The following IQCH variants were observed in gnomAD, a reference collection of about 807,000 sequenced individuals.
IQCH encodes the protein IQ motif containing H.
IQCH carries 98 observed loss-of-function variants against 117.0 expected under a neutral mutation model. The observed-to-expected ratio is 0.84, with a 90% CI of 0.71 to 0.99. The LOEUF (loss-of-function observed/expected upper bound fraction) is 0.99. IQCH is among the 50% of genes least tolerant of loss of function. The pLI, the probability that IQCH is intolerant of heterozygous loss-of-function variation, is 0.00. For missense variants in IQCH, 1,102 were observed against 1,243.8 expected (o/e 0.89, Z 1.72); for synonymous variants, 412 against 448.2 (o/e 0.92, Z 1.02).
At position 67,500,906 on chromosome 15, in the gene IQCH, T is replaced by G. The variant is rs2083963813; in HGVS notation, c.*160T>G. 1 of 418,306 alleles carries G rather than the reference T, an allele frequency of 2.4e-6. No homozygotes were observed. The highest frequency in any genetic ancestry group is 2.1e-5 in the African/African-American group (1 of 48,664). The allele number at this position is 418,306 out of a possible 1,614,324, so 25.9% of individuals were successfully genotyped here. A position where few individuals can be genotyped will look rare whatever the true frequency, so the allele number is the denominator to read the frequency against. ...TGAAATGCTCTTTTTAAAACATTGT[T>G]TATTAAGTGATCTTATTTTATTTAT... On this transcript the variant is annotated 3_prime_UTR_variant, in exon 21 of 21. Transcript: ENST00000335894. The surrounding 1 kb of genome is among the most constrained non-coding windows in gnomAD (Gnocchi z 4.4).
chr15:67,263,034 A>T, intron 2 of IQCH, 88 bp from the exon 3 acceptor site: 1 of 751,692 alleles, frequency 1.3e-6, no homozygotes, highest in Non-Finnish European at 2.4e-6. Context: ...GCTTAATTAC[A>T]GGATTCAGAG....
chr15:67,403,218 C>A lies in IQCH; in HGVS notation c.2097+2913C>A, dbSNP rs1264675945. Reference sequence around the variant, plus strand: ...TGAGCCGAGATCACACCACTGCACTCCAGCCTGGGCGACAGAGTGAGACAC... The same window carrying A: ...TGAGCCGAGATCACACCACTGCACTACAGCCTGGGCGACAGAGTGAGACAC... On this transcript the variant is annotated intron_variant, in intron 14 of 20. Coordinates refer to ENST00000335894, the MANE Select transcript of IQCH (RefSeq NM_001031715.3). This position sits in a 1 kb window ranked among gnomAD's most constrained non-coding sequence, Gnocchi z 4.8. Among the ~76,000 whole-genome samples, 2 of 151,786 alleles carry A rather than the reference C, an allele frequency of 1.3e-5. No individual in the cohort carries two copies. Among genetic ancestry groups the A allele is most frequent in the Non-Finnish European group, 2.9e-5 (2 of 67,956 alleles).
intron 20 of IQCH, among the ~76,000 whole-genome samples, chr15:67,498,336 C>A (rs1448342115): frequency 6.6e-6 from 1 of 152,182 alleles, no homozygotes; most frequent in Middle Eastern, 3.4e-3. Flanking sequence ...TTAAAATGGG[C>A]CGGGCGCGGT....
chr15:67,358,368 G>A (rs1304044839), intron 7 of IQCH, among the ~76,000 whole-genome samples: 1 of 149,056 alleles, frequency 6.7e-6, no homozygotes, highest in African/African-American at 2.5e-5. Flanking sequence ...CTAATTTTTT[G>A]TATTTTTAGT....
intron 14 of IQCH, among the ~76,000 whole-genome samples, chr15:67,412,488 T>C (rs2081475367): frequency 6.6e-6 from 1 of 152,112 alleles, no homozygotes; most frequent in African/African-American, 2.4e-5. Context: ...CAATTTACTC[T>C]AACCCCTGCC....
At chr15:67,347,848 TA>T (rs1206238628) in intron 6 of IQCH, among the ~76,000 whole-genome samples, 1 of 146,860 alleles carries the variant, frequency 6.8e-6, no homozygotes, top group Non-Finnish European at 1.5e-5. Flanking sequence ...TAGATATTTT[TA>T]TATATTTATA....
rs1363108461 is a variant in IQCH at position 67,411,278 on chromosome 15, AC to A, written c.2098-5650del. ...GCAGCAGGGCCGGTGGGGAGCACTT[AC>A]CCAGGAGTCAGAGGCAGCCAGAGAG... On this transcript the variant is annotated intron_variant, in intron 14 of 20. Transcript: ENST00000335894. This position sits in a 1 kb window ranked among gnomAD's most constrained non-coding sequence, Gnocchi z 4.4. Among the ~76,000 whole-genome samples, 5 of 151,906 alleles carry A rather than the reference AC, an allele frequency of 3.3e-5. No individual in the cohort carries two copies. The highest frequency in any genetic ancestry group is 7.4e-5 in the Non-Finnish European group (5 of 67,954).
At chr15:67,353,787 A>G (rs1409460720) in intron 6 of IQCH, among the ~76,000 whole-genome samples, 1 of 152,228 alleles carries the variant, frequency 6.6e-6, no homozygotes, top group African/African-American at 2.4e-5. Context: ...ATACAGTAGA[A>G]TTTTTAAAAA....
intron 4 of IQCH, among the ~76,000 whole-genome samples, chr15:67,311,316 C>A (rs1967583805): frequency 6.6e-6 from 1 of 151,930 alleles, no homozygotes; most frequent in African/African-American, 2.4e-5. Context: ...GAACTAAATT[C>A]TGAGATTATA....
At chr15:67,468,470 C>T (rs2899724) in intron 17 of IQCH, among the ~76,000 whole-genome samples, 63,896 of 152,076 alleles carry the variant, frequency 0.42, 14,478 homozygotes, top group Non-Finnish European at 0.52. Context: ...TGAAGGCACA[C>T]ATTTCCCTGC....
Position 67,490,210 on chromosome 15 carries a change from T to C in IQCH, c.2861+146T>C. On this transcript the variant is annotated intron_variant, in intron 19 of 20. Transcript: ENST00000335894. The surrounding 1 kb of genome is among the most constrained non-coding windows in gnomAD (Gnocchi z 4.9). ...ATTTAGATCTTCAGGTATTTTATTT[T>C]ATTCTATTTTTTTGAGACGGAGCCT... 4 of 686,672 alleles carry C rather than the reference T, an allele frequency of 5.8e-6. No individual in the cohort carries two copies. The South Asian group carries it at 7.7e-5, about 13-fold the overall frequency. The allele number at this position is 686,672 out of a possible 1,614,324, so 42.5% of individuals were successfully genotyped here.
intron 10 of IQCH, among the ~76,000 whole-genome samples, chr15:67,379,086 A>T (rs1041975753): frequency 6.6e-6 from 1 of 152,224 alleles, no homozygotes; most frequent in Non-Finnish European, 1.5e-5. Context: ...ACAAAAAAAA[A>T]TTTAGTGAGA....
chr15:67,259,415 A>C (rs1300506331), intron 1 of IQCH, among the ~76,000 whole-genome samples: 2 of 152,232 alleles, frequency 1.3e-5, no homozygotes, highest in Non-Finnish European at 2.9e-5. Context: ...GGACAAAGAA[A>C]TTAGAAATTC....
In IQCH at chr15:67,356,083, G is replaced by A. The variant is rs1969879762; in HGVS notation, c.638-1262G>A. ...AATTGTACTGAGTCTGCAGACAATA[G>A]GAATAACAAATTTTACTGGTGAATC... On this transcript the variant is annotated intron_variant, in intron 6 of 20. Transcript: ENST00000335894. This position sits in a 1 kb window ranked among gnomAD's most constrained non-coding sequence, Gnocchi z 5.3. 1.3e-5 allele frequency among the ~76,000 whole-genome samples: 2 copies of A among 152,132 alleles called. No individual in the cohort carries two copies. The highest frequency in any genetic ancestry group is 4.8e-5 in the African/African-American group (2 of 41,418).
Position 67,393,136 on chromosome 15 carries a change from A to G in IQCH, c.1633-2155A>G, listed in dbSNP as rs1971342068. Among the ~76,000 whole-genome samples, 1 of 152,172 alleles carries G rather than the reference A, an allele frequency of 6.6e-6. No homozygotes were observed. Among genetic ancestry groups the G allele is most frequent in the Non-Finnish European group, 1.5e-5 (1 of 68,026 alleles). On this transcript the variant is annotated intron_variant, in intron 12 of 20. Coordinates refer to ENST00000335894, the MANE Select transcript of IQCH (RefSeq NM_001031715.3). This position sits in a 1 kb window ranked among gnomAD's most constrained non-coding sequence, Gnocchi z 5.5. Reference sequence around the variant, plus strand: ...CAAAAGAGCTCTTGTTTTAAAGGGAAAGTTATTTCAGAGCTGAAAGGACCC... The same window carrying G: ...CAAAAGAGCTCTTGTTTTAAAGGGAGAGTTATTTCAGAGCTGAAAGGACCC...
In IQCH at chr15:67,408,637, T is replaced by G. The variant is rs2081366104; in HGVS notation, c.2098-8294T>G. Among the ~76,000 whole-genome samples, 1 of 152,228 alleles carries G rather than the reference T, an allele frequency of 6.6e-6. No individual in the cohort carries two copies. The highest frequency in any genetic ancestry group is 1.5e-5 in the Non-Finnish European group (1 of 68,040). On this transcript the variant is annotated intron_variant, in intron 14 of 20. Transcript: ENST00000335894. The surrounding 1 kb of genome is among the most constrained non-coding windows in gnomAD (Gnocchi z 4.2). ...CATAAAATTAAAATATAAATTCTCC[T>G]GATAGTCTCTCATTTCATTCCACAA...
intron 3 of IQCH, among the ~76,000 whole-genome samples, chr15:67,266,773 A>AT (rs1046356886): frequency 1.3e-5 from 2 of 152,036 alleles, no homozygotes; most frequent in Non-Finnish European, 2.9e-5. Context: ...AAGTTTTGGG[A>AT]TTTTTTTGGC....
At chr15:67,358,066 C>T (rs2140738992) in intron 7 of IQCH, among the ~76,000 whole-genome samples, 1 of 150,878 alleles carries the variant, frequency 6.6e-6, no homozygotes, top group South Asian at 2.1e-4. Flanking sequence ...ACCATTTTGG[C>T]CAGGCTGGTC....
intron 18 of IQCH, among the ~76,000 whole-genome samples, chr15:67,483,711 G>C: frequency 6.6e-6 from 1 of 152,080 alleles, no homozygotes; most frequent in Non-Finnish European, 1.5e-5. Flanking sequence ...ACAAAGCCTG[G>C]AGTTCAAAAC....
Sources: gnomAD v4.1 joint callset for allele counts (sites outside exome capture counted in the v4.1 genomes callset) on GRCh38, gnomAD v4.1.1 for gene constraint, Gnocchi (gnomAD v3.1) non-coding constraint, MANE v1.5 for transcripts, NCBI Gene and HGNC (gene_info 2026-07-23, HGNC 2026-07-21) for gene names.